Variants in TAF5L observed in about 807,000 individuals in gnomAD.
TAF5L encodes the protein TATA-box binding protein associated factor 5 like, also known as TAF5-like RNA polymerase II p300/CBP-associated factor-associated factor 65 kDa subunit 5L.
Under a neutral mutation model 51.3 loss-of-function variants are expected in TAF5L, and 7 were observed. That is an observed-to-expected ratio of 0.14 (90% CI 0.08 to 0.26). The LOEUF (loss-of-function observed/expected upper bound fraction) is 0.26. Among genes scored for constraint, TAF5L ranks in the 10% least tolerant of loss-of-function variants. The pLI is 1.00. For missense variants in TAF5L, 575 were observed against 758.9 expected, an observed-to-expected ratio of 0.76 and a Z score of 2.85; for synonymous variants, 291 against 308.1, an observed-to-expected ratio of 0.94 and a Z score of 0.58.
At chr1:229,603,330 A>T (rs1664460353) in intron 3 of TAF5L, among the ~76,000 whole-genome samples, 1 of 152,234 alleles carries the variant, frequency 6.6e-6, no homozygotes, top group South Asian at 2.1e-4. Context: ...TGAGTTCTTC[A>T]CAATTTTTTA....
At position 229,615,617 on chromosome 1, in the gene TAF5L, GAA is replaced by G. The variant is rs1199492928; in HGVS notation, c.-3-1134_-3-1133del. Among the ~76,000 whole-genome samples the G allele has an allele frequency of 1.0e-4, 14 of 135,166 alleles. No individual in the cohort carries two copies. In the South Asian group the frequency reaches 3.3e-3, roughly 32 times the overall value. The allele number at this position is 135,166 out of a possible 152,430, so 88.7% of individuals were successfully genotyped here. ...CAAAAATAAAAAGAAAAGGGAAAAA[GAA>G]AAAAAAAAAAGAGGCACTGTTTCCT... On this transcript the variant is annotated intron_variant, in intron 1 of 4. Transcript: ENST00000258281.
intron 2 of TAF5L, among the ~76,000 whole-genome samples, chr1:229,613,573 A>G (rs1366540584): frequency 1.3e-5 from 2 of 152,192 alleles, no homozygotes; most frequent in Non-Finnish European, 2.9e-5. Flanking sequence ...ATCCATGTGA[A>G]TGAGGTGATA....
chr1:229,611,024 G>C (rs1664766654), intron 2 of TAF5L, among the ~76,000 whole-genome samples: 1 of 152,066 alleles, frequency 6.6e-6, no homozygotes, highest in Non-Finnish European at 1.5e-5. Flanking sequence ...GTCTTACGGT[G>C]AGGCACTCTG....
At chr1:229,595,196 G>T (rs1664075809) in intron 4 of TAF5L, 102 bp from the exon 5 acceptor site, 2 of 1,232,658 alleles carry the variant, frequency 1.6e-6, no homozygotes, top group East Asian at 4.8e-5. Flanking sequence ...AGAGAACTGA[G>T]ACTGCTTGGG....
chr1:229,607,136 T>C (rs1664625056), intron 3 of TAF5L: 1 of 985,318 alleles, frequency 1.0e-6, no homozygotes, highest in African/African-American at 1.7e-5. Context: ...TTATTTTCAA[T>C]AAATCTTCAT....
intron 1 of TAF5L, among the ~76,000 whole-genome samples, chr1:229,624,888 T>A (rs1665371770): frequency 6.6e-6 from 1 of 152,134 alleles, no homozygotes; most frequent in South Asian, 2.1e-4. Context: ...CCAACTCAGG[T>A]GTTGGCACAC....
At chr1:229,596,843 C>A (rs1571827838) in intron 4 of TAF5L, among the ~76,000 whole-genome samples, 1 of 152,072 alleles carries the variant, frequency 6.6e-6, no homozygotes, top group Non-Finnish European at 1.5e-5. Flanking sequence ...ATTGTGGCAG[C>A]CTTAGGTTCT....
chr1:229,615,477 T>C (rs946332539), intron 1 of TAF5L, among the ~76,000 whole-genome samples: 3 of 152,156 alleles, frequency 2.0e-5, no homozygotes, highest in Non-Finnish European at 4.4e-5. Flanking sequence ...ACTAAGAGGG[T>C]ATGTATATGT....
exon 2 of TAF5L, chr1:229,614,413 C>A (rs1384701412): frequency 1.2e-6 from 2 of 1,614,230 alleles, no homozygotes; most frequent in Admixed American, 1.7e-5. Context: ...CCATCTGAGT[C>A]CACGTACTGC....
At chr1:229,620,944 A>G (rs1326859906) in intron 1 of TAF5L, among the ~76,000 whole-genome samples, 1 of 139,022 alleles carries the variant, frequency 7.2e-6, no homozygotes, top group Non-Finnish European at 1.5e-5. Flanking sequence ...AAGACGCTTC[A>G]TTAAAACATT....
exon 5 of TAF5L, chr1:229,593,766 TAAC>T (rs1357508867): frequency 6.6e-6 from 1 of 151,696 alleles, no homozygotes; most frequent in East Asian, 1.9e-4. Context: ...ATAATTATAA[TAAC>T]AATAATTAAA....
chr1:229,619,460 G>A (rs908572672), intron 1 of TAF5L, among the ~76,000 whole-genome samples: 4 of 152,178 alleles, frequency 2.6e-5, no homozygotes, highest in Non-Finnish European at 4.4e-5. Flanking sequence ...AGAATGTGGC[G>A]TTTTGGTGGG....
Position 229,605,333 on chromosome 1 carries a change from C to T in TAF5L, c.248-2414G>A, listed in dbSNP as rs796745460. Among the ~76,000 whole-genome samples, 5 of 152,086 alleles carry T rather than the reference C, an allele frequency of 3.3e-5. No homozygotes were observed. The South Asian group carries it at 6.2e-4, about 19-fold the overall frequency. ...ACCGTATCAAAATTATGGAATATCA[C>T]GGAGAGGAGTAAACATCATCCAAGG... is the stretch of plus-strand genomic sequence containing the variant. On this transcript the variant is annotated intron_variant, in intron 3 of 4. Transcript: ENST00000258281.
chr1:229,618,337 G>A (rs1665080944), intron 1 of TAF5L, among the ~76,000 whole-genome samples: 1 of 152,130 alleles, frequency 6.6e-6, no homozygotes, highest in Admixed American at 6.5e-5. Context: ...TTAACTTTCA[G>A]AGGTAAAAAC....
intron 1 of TAF5L, among the ~76,000 whole-genome samples, chr1:229,615,624 A>T (rs1664951642): frequency 6.6e-6 from 1 of 152,182 alleles, no homozygotes; most frequent in African/African-American, 2.4e-5. Context: ...AAAGAAAAAA[A>T]AAAAAGAGGC....
chr1:229,621,173 AT>A (rs1665189077), intron 1 of TAF5L, among the ~76,000 whole-genome samples: 1 of 152,082 alleles, frequency 6.6e-6, no homozygotes, highest in Non-Finnish European at 1.5e-5. Context: ...ACTAATTTTA[AT>A]TTAAGTAGTC....
chr1:229,597,074 T>C (rs1664151079), intron 4 of TAF5L, among the ~76,000 whole-genome samples: 1 of 152,206 alleles, frequency 6.6e-6, no homozygotes, highest in Admixed American at 6.5e-5. Context: ...TATTAGTAAT[T>C]TTCCTTTCCA....
chr1:229,607,964 T>C (rs76984617), intron 3 of TAF5L: 11 of 152,280 alleles, frequency 7.2e-5, no homozygotes, highest in Non-Finnish European at 1.6e-4. Flanking sequence ...AACAGACAAC[T>C]TTCTCAGTTC....
At chr1:229,610,555 T>C (rs923254200) in intron 2 of TAF5L, among the ~76,000 whole-genome samples, 6 of 152,218 alleles carry the variant, frequency 3.9e-5, no homozygotes, top group African/African-American at 1.2e-4. Flanking sequence ...TGTGGGTTCA[T>C]TGTCAATCAC....
Sources: gnomAD v4.1 joint callset for allele counts (sites outside exome capture counted in the v4.1 genomes callset) on GRCh38, gnomAD v4.1.1 for gene constraint, MANE v1.5 for transcripts, NCBI Gene and HGNC (gene_info 2026-07-23, HGNC 2026-07-21) for gene names.